The following ALOX5 variants were observed in gnomAD, a reference collection of about 807,000 sequenced individuals.
The protein encoded by ALOX5 is polyunsaturated fatty acid 5-lipoxygenase.
Under a neutral mutation model 87.9 loss-of-function variants are expected in ALOX5, and 64 were observed. The ratio of observed to expected loss-of-function variants is 0.73; its 90% CI spans 0.60 to 0.90. ALOX5 has a LOEUF of 0.90. ALOX5 is among the 40% of genes least tolerant of loss of function. The pLI is 0.00. For missense variants in ALOX5, 822 were observed against 907.5 expected (o/e 0.91, Z 1.21); for synonymous variants, 388 against 355.1 (o/e 1.09, Z -1.04).
chr10:45,411,612 C>T (rs558844662), intron 3 of ALOX5, among the ~76,000 whole-genome samples: 23 of 152,328 alleles, frequency 1.5e-4, no homozygotes, highest in Non-Finnish European at 2.6e-4. Flanking sequence ...TCTAAAGCTG[C>T]TATTGGCCAG....
chr10:45,428,903 C>A lies in ALOX5; in HGVS notation c.981+139C>A, dbSNP rs1841824363. Reference sequence around the variant, plus strand: ...GGCTTCCTGCAGGCCCTGAGGTGGGCTGTCCATAGGGGCGGAGAGGGTTCT... The same window carrying A: ...GGCTTCCTGCAGGCCCTGAGGTGGGATGTCCATAGGGGCGGAGAGGGTTCT... On this transcript the variant is annotated intron_variant, in intron 7 of 13. Transcript: ENST00000374391. The A allele has an allele frequency of 2.5e-6, 3 of 1,181,026 alleles. No individual in the cohort carries two copies. The Admixed American group carries it at 7.3e-5, about 29-fold the overall frequency. The allele number at this position is 1,181,026 out of a possible 1,614,324, so 73.2% of individuals were successfully genotyped here.
At chr10:45,401,215 A>G (rs905546542) in intron 3 of ALOX5, among the ~76,000 whole-genome samples, 5 of 152,180 alleles carry the variant, frequency 3.3e-5, no homozygotes, top group African/African-American at 1.2e-4. Context: ...AAGAAAGTGG[A>G]AGGAATCATT....
In ALOX5 at chr10:45,391,326, C is replaced by T. The variant is rs543113556; in HGVS notation, c.350-4529C>T. Among the ~76,000 whole-genome samples the T allele has an allele frequency of 8.1e-3, 1,227 of 152,326 alleles. 6 individuals are homozygous for T. The highest frequency in any genetic ancestry group is 0.037 in the Middle Eastern group (11 of 294). On this transcript the variant is annotated intron_variant, in intron 2 of 13. Coordinates refer to ENST00000374391, the MANE Select transcript of ALOX5 (RefSeq NM_000698.5). ...GCCAGGCTGGTCTCCAGCTCCTAAC[C>T]GCGAGTGATCCGCCAGCCTCGGCCT... is the stretch of plus-strand genomic sequence containing the variant.
At chr10:45,416,655 G>C (rs966294119) in intron 4 of ALOX5, among the ~76,000 whole-genome samples, 1 of 152,204 alleles carries the variant, frequency 6.6e-6, no homozygotes, top group African/African-American at 2.4e-5. Context: ...ATACTGGACA[G>C]ATGGACAATC....
intron 3 of ALOX5, among the ~76,000 whole-genome samples, chr10:45,399,903 A>G (rs931551353): frequency 6.6e-6 from 1 of 152,236 alleles, no homozygotes; most frequent in Non-Finnish European, 1.5e-5. Context: ...TATGCTCAAC[A>G]TTATTAATCA....
chr10:45,440,780 C>T (rs941851347), intron 8 of ALOX5, 147 bp downstream of exon 8: 4 of 867,498 alleles, frequency 4.6e-6, no homozygotes, highest in Non-Finnish European at 7.0e-6. Context: ...GTCAGTAATG[C>T]CCCTAAAGGA....
In ALOX5 at chr10:45,445,168, G is replaced by A. The variant is rs571398140; in HGVS notation, c.1846-340G>A. On this transcript the variant is annotated intron_variant, in intron 13 of 13. Coordinates refer to ENST00000374391, the MANE Select transcript of ALOX5 (RefSeq NM_000698.5). The stretch of plus-strand genomic sequence containing the variant: ...CCCTGATGGGAGGTGAGAGTGCTGC[G>A]CAGGGGTGGCCCAAGACAGCAGGAT... Among the ~76,000 whole-genome samples the A allele has an allele frequency of 5.3e-5, 8 of 152,344 alleles. No homozygotes were observed. The East Asian group carries it at 1.2e-3, about 22-fold the overall frequency.
chr10:45,377,350 G>C (rs1417127333), intron 1 of ALOX5, among the ~76,000 whole-genome samples: 1 of 141,912 alleles, frequency 7.0e-6, no homozygotes, highest in South Asian at 2.3e-4. Context: ...CCCCTCTTCT[G>C]CCTCCTCTTC....
At chr10:45,392,911 T>C (rs941072433) in intron 2 of ALOX5, among the ~76,000 whole-genome samples, 1 of 152,122 alleles carries the variant, frequency 6.6e-6, no homozygotes, top group Non-Finnish European at 1.5e-5. Context: ...AGGAAGAAGT[T>C]GAATCCCTGA....
intron 3 of ALOX5, 110 bp from the exon 4 acceptor site, chr10:45,412,081 T>C: frequency 6.8e-7 from 1 of 1,477,126 alleles, no homozygotes; most frequent in Non-Finnish European, 9.2e-7. Context: ...TTATTTTGAG[T>C]ACATCAATCT....
At chr10:45,389,973 A>G (rs114376586) in intron 2 of ALOX5, among the ~76,000 whole-genome samples, 3,418 of 152,306 alleles carry the variant, frequency 0.022, 123 homozygotes, top group African/African-American at 0.078. Context: ...GACACACATA[A>G]GCTCAAAATA....
chr10:45,436,140 G>C (rs1842055939), intron 7 of ALOX5, among the ~76,000 whole-genome samples: 1 of 152,120 alleles, frequency 6.6e-6, no homozygotes, highest in South Asian at 2.1e-4. Context: ...GTTCCTCATA[G>C]ATTCTGGGTA....
At chr10:45,408,345 G>T (rs1479867816) in intron 3 of ALOX5, among the ~76,000 whole-genome samples, 1 of 152,150 alleles carries the variant, frequency 6.6e-6, no homozygotes, top group Non-Finnish European at 1.5e-5. Flanking sequence ...GATGGACAGT[G>T]GTTTGGTTTT....
chr10:45,397,244 G>A (rs982547182), intron 3 of ALOX5, among the ~76,000 whole-genome samples: 1 of 152,162 alleles, frequency 6.6e-6, no homozygotes, highest in Admixed American at 6.6e-5. Context: ...GCTGTGTGTG[G>A]TGGCATGCGC....
chr10:45,418,248 G>A lies in ALOX5; in HGVS notation c.555-5793G>A, dbSNP rs189067644. On this transcript the variant is annotated intron_variant, in intron 4 of 13. Transcript: ENST00000374391. Reference sequence around the variant, plus strand: ...ACAAGGAAGCAGCTTAGAGGAGCCTGTGTGGGGATGAGGGGTGCCTGGGAG... The same window carrying A: ...ACAAGGAAGCAGCTTAGAGGAGCCTATGTGGGGATGAGGGGTGCCTGGGAG... 2.1e-3 allele frequency among the ~76,000 whole-genome samples: 315 copies of A among 152,308 alleles called. 1 individual carries two copies. Among genetic ancestry groups the A allele is most frequent in the African/African-American group, 7.1e-3 (297 of 41,574 alleles).
At chr10:45,441,217 C>G in intron 8 of ALOX5, 127 bp from the exon 9 acceptor site, 14 of 751,546 alleles carry the variant, frequency 1.9e-5, no homozygotes, top group Non-Finnish European at 3.0e-5. Flanking sequence ...CAGCACCCAG[C>G]CTTCACTTCC....
chr10:45,445,604 G>T lies in ALOX5; in HGVS notation c.1942G>T (p.Val648Leu), dbSNP rs142632017. The T allele has an allele frequency of 1.9e-6, 3 of 1,614,050 alleles. No homozygotes were observed. In the African/African-American group the frequency reaches 4.0e-5, roughly 22 times the overall value. Residue 648 changes from valine (V) to leucine (L), a missense_variant, in exon 14 of 14, where the codon GTG becomes TTG. By Grantham distance (32) the Val-to-Leu change is conservative (BLOSUM62 1). Coordinates refer to ENST00000374391, the MANE Select transcript of ALOX5 (RefSeq NM_000698.5). ...FRKNLEAIVS[V>L]IAERNKKKQL... ...CAAGAACCTCGAGGCCATTGTCAGC[G>T]TGATTGCTGAGCGCAACAAGAAGAA...
chr10:45,405,220 C>T (rs1274364273), intron 3 of ALOX5, among the ~76,000 whole-genome samples: 2 of 152,162 alleles, frequency 1.3e-5, no homozygotes, highest in Non-Finnish European at 2.9e-5. Context: ...AACAAATCAG[C>T]ATTTTTTCAT....
Position 45,390,151 on chromosome 10 carries a change from C to T in ALOX5, c.350-5704C>T, listed in dbSNP as rs151070808. Among the ~76,000 whole-genome samples, 508 of 152,304 alleles carry T rather than the reference C, an allele frequency of 3.3e-3. 15 individuals are homozygous for T. The highest frequency in any genetic ancestry group is 0.029 in the East Asian group (153 of 5,192). On this transcript the variant is annotated intron_variant, in intron 2 of 13. Transcript: ENST00000374391. Reference sequence around the variant, plus strand: ...AACAAGAAGAGCTAACTATCCGAAACGTATATGCACCCAATACAGGAGCAC... The same window carrying T: ...AACAAGAAGAGCTAACTATCCGAAATGTATATGCACCCAATACAGGAGCAC...
Sources: gnomAD v4.1 joint callset for allele counts (sites outside exome capture counted in the v4.1 genomes callset) on GRCh38, gnomAD v4.1.1 for gene constraint, MANE v1.5 for transcripts, NCBI Gene and HGNC (gene_info 2026-07-23, HGNC 2026-07-21) for gene names.